ATAD1: variants seen among roughly 807,000 people sequenced by gnomAD.
ATAD1 encodes the protein ATPase family AAA domain containing 1, also known as outer mitochondrial transmembrane helix translocase.
ATAD1 carries 18 observed loss-of-function variants against 42.7 expected under a neutral mutation model. The observed-to-expected ratio is 0.42, with a 90% CI of 0.29 to 0.63. The LOEUF is 0.63. Among genes scored for constraint, ATAD1 ranks in the 20% least tolerant of loss-of-function variants. The probability of loss-of-function intolerance (pLI) is 0.19; values close to 1 mark genes in which losing one functional copy is unlikely to be tolerated. For missense variants in ATAD1, 294 were observed against 440.4 expected (o/e 0.67, Z 2.98); for synonymous variants, 132 against 143.1 (o/e 0.92, Z 0.55).
chr10:87,832,140 C>T (rs775613521), intron 1 of ATAD1: 1 of 138,398 alleles, frequency 7.2e-6, no homozygotes, highest in Non-Finnish European at 1.5e-5. Flanking sequence ...GTGACAATGA[C>T]CACTGCAGCC....
At position 87,785,038 on chromosome 10, in the gene ATAD1, T is replaced by A. The variant is rs781125494; in HGVS notation, c.383-368A>T. ...GCACCATAGTGCTTTGATATTAGCC[T>A]ACAGAAGGTAAACAACTTCAAAACA... On this transcript the variant is annotated intron_variant, in intron 4 of 9. Transcript: ENST00000680024. Among the ~76,000 whole-genome samples, 32 of 152,192 alleles carry A rather than the reference T, an allele frequency of 2.1e-4. 1 individual carries two copies. The highest frequency in any genetic ancestry group is 6.5e-4 in the Admixed American group (10 of 15,274).
chr10:87,786,288 G>C (rs1280715219), intron 4 of ATAD1, among the ~76,000 whole-genome samples: 1 of 152,148 alleles, frequency 6.6e-6, no homozygotes, highest in African/African-American at 2.4e-5. Context: ...TTAGAACAAA[G>C]TATTTATGCA....
intron 6 of ATAD1, 124 bp from the exon 7 acceptor site, chr10:87,771,165 G>T: frequency 1.6e-6 from 1 of 631,062 alleles, no homozygotes; most frequent in Non-Finnish European, 2.6e-6. Context: ...TAAGAAATCT[G>T]ATTTTAAATC....
At chr10:87,809,410 T>C (rs1024285104) in intron 2 of ATAD1, among the ~76,000 whole-genome samples, 3 of 152,116 alleles carry the variant, frequency 2.0e-5, no homozygotes, top group African/African-American at 7.2e-5. Context: ...ATCCTCATCA[T>C]CTTCATGTTG....
chr10:87,824,308 G>C (rs1477408262), intron 1 of ATAD1, among the ~76,000 whole-genome samples: 1 of 152,156 alleles, frequency 6.6e-6, no homozygotes, highest in Non-Finnish European at 1.5e-5. Context: ...ATAATTATAT[G>C]ATTGCCCTAT....
At chr10:87,789,918 G>C (rs1856014950) in intron 4 of ATAD1, among the ~76,000 whole-genome samples, 1 of 151,346 alleles carries the variant, frequency 6.6e-6, no homozygotes, top group South Asian at 2.1e-4. Context: ...TCCTGAAAAA[G>C]AATCATTACA....
chr10:87,762,918 A>AAATAT (rs1554873724), intron 8 of ATAD1, among the ~76,000 whole-genome samples: 1 of 134,706 alleles, frequency 7.4e-6, no homozygotes, highest in Middle Eastern at 3.3e-3. Flanking sequence ...AAAAAAAAAA[A>AAATAT]ATATATATAT....
chr10:87,797,671 T>C (rs143010176), intron 2 of ATAD1, among the ~76,000 whole-genome samples: 7 of 152,310 alleles, frequency 4.6e-5, no homozygotes, highest in South Asian at 2.1e-4. Flanking sequence ...ACGAGAGGAT[T>C]TGACCTTGGT....
intron 7 of ATAD1, among the ~76,000 whole-genome samples, chr10:87,768,873 CAGGAGTTGAGACTAG>C (rs1854895462): frequency 6.6e-6 from 1 of 152,070 alleles, no homozygotes; most frequent in African/African-American, 2.4e-5. Context: ...CCCTTGAGGC[CAGGAGTTGAGACTAG>C]CCTGGGCAAC....
intron 2 of ATAD1, among the ~76,000 whole-genome samples, chr10:87,811,248 A>C (rs1857164966): frequency 6.6e-6 from 1 of 152,070 alleles, no homozygotes; most frequent in Non-Finnish European, 1.5e-5. Flanking sequence ...CAGGAGAATC[A>C]CTTGAACCCG....
chr10:87,803,010 C>T (rs1203633052), intron 2 of ATAD1, among the ~76,000 whole-genome samples: 1 of 152,198 alleles, frequency 6.6e-6, no homozygotes, highest in East Asian at 1.9e-4. Flanking sequence ...TGAAGCTAGA[C>T]ACTTAAACTT....
intron 1 of ATAD1, among the ~76,000 whole-genome samples, chr10:87,816,205 T>C (rs766343597): frequency 6.6e-6 from 1 of 152,124 alleles, no homozygotes; most frequent in Non-Finnish European, 1.5e-5. Flanking sequence ...ACGTTTATAA[T>C]TGCCACACAC....
At chr10:87,823,000 C>A (rs988134700), upstream of ATAD1, among the ~76,000 whole-genome samples, 2 of 144,636 alleles carry the variant, frequency 1.4e-5, no homozygotes, top group African/African-American at 2.6e-5. Context: ...AAGATAGAAT[C>A]AAGGAAAAAA....
intron 4 of ATAD1, 42 bp downstream of exon 4, chr10:87,790,268 T>C: frequency 6.3e-7 from 1 of 1,588,500 alleles, no homozygotes. Flanking sequence ...CAATGTTTTC[T>C]AGGATTTTAA....
Position 87,767,668 on chromosome 10 carries a change from C to T in ATAD1, c.831+5G>A. On this transcript the variant is annotated splice_donor_5th_base_variant and intron_variant, in intron 8 of 9. Transcript: ENST00000680024. ...ACGGGGAAAAAATTTTTATTTTCTA[C>T]TTACATTTTCATTTTTCAAGATGAG... 1 of 1,608,692 alleles carries T rather than the reference C, an allele frequency of 6.2e-7. No individual in the cohort carries two copies. The highest frequency in any genetic ancestry group is 8.5e-7 in the Non-Finnish European group (1 of 1,177,194).
intron 1 of ATAD1, among the ~76,000 whole-genome samples, chr10:87,816,599 A>T (rs150602225): frequency 2.3e-3 from 343 of 152,298 alleles, no homozygotes; most frequent in South Asian, 8.9e-3. Context: ...GCCAAAAAGG[A>T]GAAGGCACCT....
intron 1 of ATAD1, among the ~76,000 whole-genome samples, chr10:87,835,939 T>C (rs1857921660): frequency 6.6e-6 from 1 of 152,228 alleles, no homozygotes; most frequent in Non-Finnish European, 1.5e-5. Flanking sequence ...TTAGATCCTA[T>C]TACCTTCCCT....
chr10:87,755,392 A>G (rs939888330), intron 9 of ATAD1, among the ~76,000 whole-genome samples: 2 of 152,198 alleles, frequency 1.3e-5, no homozygotes, highest in African/African-American at 4.8e-5. Context: ...AAAAACATTC[A>G]GGAAAAAGTT....
rs1455399733 is a variant in ATAD1, at chr10:87,776,356, G to A, written c.655C>T (p.Leu219Phe). 2 of 1,613,822 alleles carry A rather than the reference G, an allele frequency of 1.2e-6. No individual in the cohort carries two copies. The highest frequency in any genetic ancestry group is 1.7e-4 in the Middle Eastern group (1 of 6,058). The change falls in exon 6 of 10, where the codon CTC becomes TTC. Residue 219 changes from leucine (L) to phenylalanine (F), a missense_variant. Coordinates refer to ENST00000680024, the MANE Select transcript of ATAD1 (RefSeq NM_001321967.2). ...TGATCAGTATCCAATCCATCCCAGA[G>A]ACTCATAAACTGAGCTTTCATCATG... is the stretch of plus-strand genomic sequence containing the variant. ...TAMMKAQFMS[L>F]WDGLDTDHSC...
Sources: gnomAD v4.1 joint callset for allele counts (sites outside exome capture counted in the v4.1 genomes callset) on GRCh38, gnomAD v4.1.1 for gene constraint, MANE v1.5 for transcripts, NCBI Gene and HGNC (gene_info 2026-07-23, HGNC 2026-07-21) for gene names.